SGCD: variants seen among roughly 807,000 people sequenced by gnomAD.
The protein encoded by SGCD is delta-sarcoglycan.
In SGCD, 18 loss-of-function variants were observed where a neutral mutation model predicts 36.6. The ratio of observed to expected loss-of-function variants is 0.49; its 90% CI spans 0.34 to 0.73. SGCD has a LOEUF of 0.73. Among genes scored for constraint, SGCD ranks in the 30% least tolerant of loss-of-function variants. SGCD has a pLI of 0.01. For synonymous variants in SGCD, 133 were observed against 130.6 expected, an observed-to-expected ratio of 1.02 and a Z score of -0.12; for missense variants, 387 against 346.7, an observed-to-expected ratio of 1.12 and a Z score of -0.92.
chr5:155,837,303 G>C, the SGCD span, among the ~76,000 whole-genome samples: 1 of 151,904 alleles, frequency 6.6e-6, no homozygotes, highest in Non-Finnish European at 1.5e-5. Flanking sequence ...GACTGCAGGT[G>C]CCCACCACCA....
intron 3 of SGCD, among the ~76,000 whole-genome samples, chr5:156,474,464 A>G (rs1415866022): frequency 2.6e-5 from 4 of 152,110 alleles, no homozygotes; most frequent in African/African-American, 7.2e-5. Flanking sequence ...TAGCGCTTCT[A>G]TAGCAGCTTG....
At chr5:156,416,246 C>G (rs2127773791) in intron 3 of SGCD, among the ~76,000 whole-genome samples, 1 of 152,266 alleles carries the variant, frequency 6.6e-6, no homozygotes, top group Admixed American at 6.5e-5. Flanking sequence ...GACTATTATT[C>G]TAAGTGAAGT....
chr5:156,442,606 C>A (rs1279220946), intron 3 of SGCD, among the ~76,000 whole-genome samples: 2 of 152,184 alleles, frequency 1.3e-5, no homozygotes, highest in African/African-American at 2.4e-5. Context: ...CAAATATTTC[C>A]ATAGGTTTCC....
At chr5:155,900,897 G>A (rs1489990204) in intron 1 of SGCD, among the ~76,000 whole-genome samples, 1 of 152,032 alleles carries the variant, frequency 6.6e-6, no homozygotes, top group Non-Finnish European at 1.5e-5. Context: ...GCACACTCAT[G>A]TTACTATCAC....
chr5:156,653,850 C>G (rs1301306189), intron 7 of SGCD, among the ~76,000 whole-genome samples: 1 of 151,960 alleles, frequency 6.6e-6, no homozygotes, highest in Non-Finnish European at 1.5e-5. Context: ...GCTATGTCTT[C>G]TAGATTTAAG....
the SGCD span, among the ~76,000 whole-genome samples, chr5:155,766,334 A>C: frequency 1.3e-5 from 2 of 152,186 alleles, no homozygotes; most frequent in South Asian, 4.1e-4. Context: ...AGAAAGCTGA[A>C]GCGCACCACA....
At position 156,573,900 on chromosome 5, in the gene SGCD, C is replaced by T. The variant is rs186440860; in HGVS notation, c.295-15331C>T. ...TAGAGACAGGATCTCACTATGTTGC[C>T]CGGGCTGGTCTCAAACTCCTAGCCT... On this transcript the variant is annotated intron_variant, in intron 4 of 8. Transcript: ENST00000337851. 3.1e-3 allele frequency among the ~76,000 whole-genome samples: 465 copies of T among 152,096 alleles called. 4 individuals are homozygous for T. The highest frequency in any genetic ancestry group is 0.011 in the African/African-American group (439 of 41,502).
intron 1 of SGCD, among the ~76,000 whole-genome samples, chr5:155,911,957 A>G (rs1756638992): frequency 6.6e-6 from 1 of 151,820 alleles, no homozygotes; most frequent in African/African-American, 2.4e-5. Flanking sequence ...AGGCTGGAAA[A>G]CCTTCACCAC....
chr5:155,951,665 G>GA (rs1015312804), intron 1 of SGCD, among the ~76,000 whole-genome samples: 23 of 150,472 alleles, frequency 1.5e-4, no homozygotes, highest in South Asian at 4.2e-4. Context: ...TATTGAAATG[G>GA]AAAAAAAAAT....
chr5:156,616,619 C>T (rs1006169671), intron 6 of SGCD, among the ~76,000 whole-genome samples: 4 of 152,110 alleles, frequency 2.6e-5, no homozygotes, highest in Admixed American at 1.3e-4. Flanking sequence ...ATGTTTTTAC[C>T]TCCTAACATT....
chr5:155,824,653 G>A, the SGCD span, among the ~76,000 whole-genome samples: 2 of 152,094 alleles, frequency 1.3e-5, no homozygotes, highest in South Asian at 2.1e-4. Flanking sequence ...TGAGGCTCTG[G>A]GAAATTGGTT....
intron 3 of SGCD, among the ~76,000 whole-genome samples, chr5:156,266,322 C>T (rs1765998965): frequency 1.3e-5 from 2 of 152,146 alleles, no homozygotes; most frequent in South Asian, 4.1e-4. Flanking sequence ...GTCAGAGCAT[C>T]CTCTGGTCCC....
At chr5:156,427,977 G>A (rs1773749260) in intron 3 of SGCD, among the ~76,000 whole-genome samples, 1 of 152,076 alleles carries the variant, frequency 6.6e-6, no homozygotes, top group Non-Finnish European at 1.5e-5. Context: ...GTGTTCATCA[G>A]GGATATCAGC....
intron 4 of SGCD, among the ~76,000 whole-genome samples, chr5:156,560,717 A>C (rs1360585763): frequency 6.6e-6 from 1 of 152,218 alleles, no homozygotes; most frequent in Non-Finnish European, 1.5e-5. Flanking sequence ...AGATAATTTT[A>C]ATAAGAAACA....
At chr5:155,886,130 G>A (rs1755992276) in intron 1 of SGCD, among the ~76,000 whole-genome samples, 1 of 152,078 alleles carries the variant, frequency 6.6e-6, no homozygotes, top group Non-Finnish European at 1.5e-5. Context: ...TCTTAGTGAT[G>A]GCTCTTTAGG....
intron 3 of SGCD, among the ~76,000 whole-genome samples, chr5:156,253,048 C>A (rs1367386216): frequency 6.6e-6 from 1 of 152,180 alleles, no homozygotes; most frequent in African/African-American, 2.4e-5. Flanking sequence ...AGTAAAAACC[C>A]ATACAACTAC....
intron 4 of SGCD, among the ~76,000 whole-genome samples, chr5:156,576,244 G>C (rs896165336): frequency 6.6e-6 from 1 of 152,158 alleles, no homozygotes; most frequent in Non-Finnish European, 1.5e-5. Flanking sequence ...TCCCTGCAAA[G>C]GACGTGAACT....
At chr5:156,055,202 T>G (rs1468672478) in intron 1 of SGCD, among the ~76,000 whole-genome samples, 2 of 146,296 alleles carry the variant, frequency 1.4e-5, no homozygotes, top group African/African-American at 4.9e-5. Context: ...CTTTTTTTTC[T>G]TTCTTTCTTT....
Position 156,766,910 on chromosome 5 carries a change from T to C in SGCD, c.*7520T>C, listed in dbSNP as rs1757601315. ...TTTCCACAACACATATCTGGTCCTC[T>C]GGCAGGATTGTGGATAGAGCTCCTC... On this transcript the variant is annotated 3_prime_UTR_variant, in exon 9 of 9. Coordinates refer to ENST00000337851, the MANE Select transcript of SGCD (RefSeq NM_000337.6). 1 of 152,164 alleles carries C rather than the reference T, an allele frequency of 6.6e-6. No individual in the cohort carries two copies. The allele number at this position is 152,164 out of a possible 1,614,324, so 9.4% of individuals were successfully genotyped here. A position where few individuals can be genotyped will look rare whatever the true frequency, so the allele number is the denominator to read the frequency against.
Sources: gnomAD v4.1 joint callset for allele counts (sites outside exome capture counted in the v4.1 genomes callset) on GRCh38, gnomAD v4.1.1 for gene constraint, MANE v1.5 for transcripts, NCBI Gene and HGNC (gene_info 2026-07-23, HGNC 2026-07-21) for gene names.